Variants in WDR19 observed in about 807,000 individuals in gnomAD.
WDR19 encodes the protein WD repeat domain 19, also known as WD repeat-containing protein 19.
A neutral mutation model predicts 180.0 loss-of-function variants in WDR19; 121 were observed. That is an observed-to-expected ratio of 0.67 (90% CI 0.58 to 0.78). The LOEUF is 0.78. Ranked by LOEUF, WDR19 falls within the 30% of genes least tolerant of loss-of-function variation. The pLI is 0.00. For synonymous variants in WDR19, 497 were observed against 540.7 expected (o/e 0.92, Z 1.12); for missense variants, 1,450 against 1,640.7 (o/e 0.88, Z 2.01).
intron 14 of WDR19, among the ~76,000 whole-genome samples, chr4:39,220,525 CTTCT>C (rs1289146963): frequency 2.2e-4 from 14 of 64,964 alleles, no homozygotes; most frequent in South Asian, 1.0e-3. Context: ...TCTTCTTCTT[CTTCT>C]TTTTTTTTTT....
At chr4:39,187,499 C>A (rs1725697454) in intron 3 of WDR19, among the ~76,000 whole-genome samples, 1 of 150,134 alleles carries the variant, frequency 6.7e-6, no homozygotes, top group African/African-American at 2.4e-5. Context: ...ATTCATGTTT[C>A]TTTCTGTAGT....
At chr4:39,268,958 G>C (rs1278447615) in intron 30 of WDR19, among the ~76,000 whole-genome samples, 1 of 152,186 alleles carries the variant, frequency 6.6e-6, no homozygotes, top group African/African-American at 2.4e-5. Context: ...ATGGAGACGA[G>C]AGAAGGCAAT....
chr4:39,186,499 A>AT, intron 2 of WDR19, 40 bp from the exon 3 acceptor site: 1 of 1,288,664 alleles, frequency 7.8e-7, no homozygotes, highest in Non-Finnish European at 1.0e-6. Flanking sequence ...AAAAAAAAAA[A>AT]AAAAAGTAAA....
At chr4:39,245,627 A>T (rs560042169) in intron 24 of WDR19, among the ~76,000 whole-genome samples, 175 bp downstream of exon 24, 1 of 152,164 alleles carries the variant, frequency 6.6e-6, no homozygotes, top group Non-Finnish European at 1.5e-5. Context: ...TACCTCATAT[A>T]CTTCAAGTGT....
chr4:39,196,889 T>G (rs1404121694), intron 5 of WDR19, among the ~76,000 whole-genome samples: 1 of 152,230 alleles, frequency 6.6e-6, no homozygotes, highest in East Asian at 1.9e-4. Context: ...AACTCCTGCC[T>G]TGGGGTCTAC....
chr4:39,199,515 T>C lies in WDR19; in HGVS notation c.444T>C (p.Asn148=). Residue 148 remains asparagine, a synonymous_variant, in exon 6 of 37, where the codon AAT becomes AAC. Transcript: ENST00000399820. Reference sequence around the variant, plus strand: ...AGAGAATCACTTGTGGATGTTGGAATGCAGAAAATCTGCTTGCTTTAGGTG... The same window carrying C: ...AGAGAATCACTTGTGGATGTTGGAACGCAGAAAATCTGCTTGCTTTAGGTG... ...HTKRITCGCW[N]AENLLALGGE... 6.2e-7 allele frequency: 1 copy of C among 1,613,360 alleles called. No homozygotes were observed. Among genetic ancestry groups the C allele is most frequent in the Non-Finnish European group, 8.5e-7 (1 of 1,179,692 alleles).
Position 39,274,935 on chromosome 4 carries a change from AAAG to A in WDR19, c.3698_3700del (p.Lys1233del), listed in dbSNP as rs757790927. On this transcript the variant is annotated inframe_deletion, in exon 33 of 37. Coordinates refer to ENST00000399820, the MANE Select transcript of WDR19 (RefSeq NM_025132.4). The stretch of plus-strand genomic sequence containing the variant: ...GCAGCAAAATAGATGCCAAATACAA[AAAG>A]AAGATCGAGGGAATGGTCAGGTAGG... The A allele has an allele frequency of 1.9e-6, 3 of 1,614,032 alleles. No individual in the cohort carries two copies. Among genetic ancestry groups the A allele is most frequent in the African/African-American group, 1.3e-5 (1 of 75,072 alleles).
intron 4 of WDR19, among the ~76,000 whole-genome samples, chr4:39,190,535 A>G (rs1726043860): frequency 6.6e-6 from 1 of 152,250 alleles, no homozygotes; most frequent in South Asian, 2.1e-4. Flanking sequence ...ACATGGGTAT[A>G]ACATGCTTCA....
intron 5 of WDR19, among the ~76,000 whole-genome samples, chr4:39,196,369 G>T (rs1447391638): frequency 1.3e-5 from 2 of 152,150 alleles, no homozygotes; most frequent in South Asian, 2.1e-4. Flanking sequence ...TTCAAATTTA[G>T]TATCTCCAAA....
At chr4:39,202,406 C>G (rs1044157264) in intron 6 of WDR19, among the ~76,000 whole-genome samples, 1 of 152,040 alleles carries the variant, frequency 6.6e-6, no homozygotes, top group African/African-American at 2.4e-5. Context: ...AAAAATGGCT[C>G]TCATACATAT....
chr4:39,260,246 A>G (rs1300559340), intron 28 of WDR19, among the ~76,000 whole-genome samples: 2 of 152,144 alleles, frequency 1.3e-5, no homozygotes, highest in African/African-American at 2.4e-5. Flanking sequence ...ACTTGATCAG[A>G]TATGGATGAT....
Position 39,228,490 on chromosome 4 carries a change from CA to C in WDR19, c.1784del (p.Lys595ArgfsTer24). ...VFHKDTIQGA[K>X]VILAGSTKVP... ...GATGTCTGTTTTATAATGTAGGAGC[CA>C]AGGTTATTTTGGCTGGTAGCACCAA... On this transcript the variant is annotated frameshift_variant, in exon 17 of 37. Transcript: ENST00000399820. LOFTEE classifies it high-confidence loss of function. 1 of 1,613,690 alleles carries C rather than the reference CA, an allele frequency of 6.2e-7. No homozygotes were observed.
At chr4:39,256,861 A>G (rs1284328825) in intron 27 of WDR19, among the ~76,000 whole-genome samples, 3 of 151,948 alleles carry the variant, frequency 2.0e-5, no homozygotes, top group Non-Finnish European at 4.4e-5. Context: ...CCACAAACCT[A>G]TTTGTCCTTC....
chr4:39,219,408 G>A (rs568196576), intron 14 of WDR19, among the ~76,000 whole-genome samples: 74 of 152,174 alleles, frequency 4.9e-4, no homozygotes, highest in Middle Eastern at 3.2e-3. Context: ...ATCGCCAACC[G>A]AAACATTATG....
In WDR19 at chr4:39,190,050, G is replaced by A. The variant is rs181484128; in HGVS notation, c.290+269G>A. Among the ~76,000 whole-genome samples, 8 of 152,290 alleles carry A rather than the reference G, an allele frequency of 5.3e-5. No homozygotes were observed. In the East Asian group the frequency reaches 1.5e-3, roughly 29 times the overall value. ...TATATATGGGAAAATCCAGAGATGG[G>A]CTTGACCATAGGCATGGCTAGATCT... On this transcript the variant is annotated intron_variant, in intron 4 of 36. Transcript: ENST00000399820.
chr4:39,284,331 ATTTTTTT>A (rs143848496), intron 36 of WDR19, among the ~76,000 whole-genome samples: 5 of 91,542 alleles, frequency 5.5e-5, no homozygotes, highest in African/African-American at 8.9e-5. Context: ...AGTAAAAAAA[ATTTTTTT>A]TTTTTTTTTT....
chr4:39,231,561 T>A (rs1730864142), intron 17 of WDR19, among the ~76,000 whole-genome samples: 1 of 152,184 alleles, frequency 6.6e-6, no homozygotes, highest in Non-Finnish European at 1.5e-5. Context: ...GTTAATTGAG[T>A]AGGCTTATTA....
At chr4:39,249,428 A>C (rs138217283) in intron 24 of WDR19, among the ~76,000 whole-genome samples, 1 of 150,720 alleles carries the variant, frequency 6.6e-6, no homozygotes, top group Non-Finnish European at 1.5e-5. Flanking sequence ...CATCACAATT[A>C]AAAGAACTAG....
intron 9 of WDR19, among the ~76,000 whole-genome samples, chr4:39,213,453 A>G (rs750113795): frequency 6.6e-6 from 1 of 152,238 alleles, no homozygotes; most frequent in Non-Finnish European, 1.5e-5. Flanking sequence ...ATTGCACTGA[A>G]TGGAAAAAAG....
Sources: allele counts gnomAD v4.1 joint callset (sites outside exome capture counted in the v4.1 genomes callset), GRCh38; gene constraint gnomAD v4.1.1; transcripts MANE v1.5; gene names NCBI Gene and HGNC (gene_info 2026-07-23, HGNC 2026-07-21).